Variants in TRIM36 observed in about 807,000 individuals in gnomAD.
The protein encoded by TRIM36 is tripartite motif containing 36, also known as E3 ubiquitin-protein ligase TRIM36.
A neutral mutation model predicts 72.4 loss-of-function variants in TRIM36; 42 were observed. The observed-to-expected ratio is 0.58, with a 90% confidence interval of 0.45 to 0.75. The LOEUF is 0.75. Among genes scored for constraint, TRIM36 ranks in the 30% least tolerant of loss-of-function variants. The pLI, the probability that TRIM36 is intolerant of heterozygous loss-of-function variation, is 0.00. For synonymous variants in TRIM36, 315 were observed against 282.8 expected, an observed-to-expected ratio of 1.11 and a Z score of -1.14; for missense variants, 913 against 857.1, an observed-to-expected ratio of 1.07 and a Z score of -0.81.
chr5:115,175,682 TAAA>T (rs59146062), intron 1 of TRIM36, among the ~76,000 whole-genome samples: 43,363 of 150,686 alleles, frequency 0.29, 6,250 homozygotes, highest in Middle Eastern at 0.32. Context: ...CGCAATATAG[TAAA>T]AAAAAATAAG....
At chr5:115,168,994 T>C (rs1462704664) in intron 1 of TRIM36, 2 of 152,316 alleles carry the variant, frequency 1.3e-5, no homozygotes, top group African/African-American at 4.8e-5. Context: ...TCATCTGTCA[T>C]TGAGGGAGAA....
At chr5:115,147,532 G>C in intron 2 of TRIM36, 138 bp from the exon 3 acceptor site, 1 of 1,052,020 alleles carries the variant, frequency 9.5e-7, no homozygotes, top group Non-Finnish European at 1.3e-6. Context: ...CGTGAAATTT[G>C]TATTGTGAAA....
rs2974527 is a variant in TRIM36 at position 115,124,883 on chromosome 5, C to G, written c.*1620G>C. 131,768 of 152,560 alleles carry G rather than the reference C, an allele frequency of 0.86. 57,857 individuals are homozygous for G. Among genetic ancestry groups the G allele is most frequent in the Middle Eastern group, 0.96 (282 of 294 alleles). The allele number at this position is 152,560 out of a possible 1,614,324, so 9.5% of individuals were successfully genotyped here. On this transcript the variant is annotated 3_prime_UTR_variant, in exon 10 of 10. Transcript: ENST00000513154. ...GCTTCACATTTAAAAATGTCTACAT[C>G]ATATGTGCTTGTACAAGGCTTGAGT...
intron 2 of TRIM36, chr5:115,149,767 C>CA: frequency 6.7e-6 from 1 of 150,306 alleles, no homozygotes; most frequent in African/African-American, 2.4e-5. Flanking sequence ...CTTGAAAGCT[C>CA]TTTTTTTTTG....
At chr5:115,145,382 T>C (rs990311887) in intron 3 of TRIM36, among the ~76,000 whole-genome samples, 1 of 152,224 alleles carries the variant, frequency 6.6e-6, no homozygotes, top group African/African-American at 2.4e-5. Context: ...TAAAATTTTA[T>C]GTAAAATAAC....
intron 2 of TRIM36, chr5:115,159,743 G>A: frequency 4.6e-6 from 2 of 432,520 alleles, no homozygotes; most frequent in South Asian, 1.7e-5. Context: ...GTTAACAAAA[G>A]AGAAAGCGGT....
upstream of TRIM36, among the ~76,000 whole-genome samples, chr5:115,174,753 C>T (rs1357106294): frequency 6.6e-6 from 1 of 152,152 alleles, no homozygotes; most frequent in Non-Finnish European, 1.5e-5. Flanking sequence ...TCTTTGTACA[C>T]TGATGTTTGA....
Position 115,144,760 on chromosome 5 carries a change from T to C in TRIM36, c.589-16A>G. On this transcript the variant is annotated splice_polypyrimidine_tract_variant and intron_variant, in intron 3 of 9. Coordinates refer to ENST00000513154, the MANE Select transcript of TRIM36 (RefSeq NM_001300759.2). ...ACATTAAAATCTATTGAGTAAAGAA[T>C]AAAAGTGTGATTAAGGATCTAGGTT... 4 of 1,600,104 alleles carry C rather than the reference T, an allele frequency of 2.5e-6. No individual in the cohort carries two copies. Among genetic ancestry groups the C allele is most frequent in the Non-Finnish European group, 3.4e-6 (4 of 1,175,128 alleles).
chr5:115,168,537 A>G (rs1754911769), intron 1 of TRIM36, among the ~76,000 whole-genome samples: 1 of 152,242 alleles, frequency 6.6e-6, no homozygotes, highest in African/African-American at 2.4e-5. Context: ...TATTCTCCCT[A>G]AAGTGACACC....
At chr5:115,147,961 A>G (rs551897892) in intron 2 of TRIM36, among the ~76,000 whole-genome samples, 1 of 152,368 alleles carries the variant, frequency 6.6e-6, no homozygotes, top group Admixed American at 6.5e-5. Flanking sequence ...GATTTTCAAA[A>G]GAATATGTGA....
At chr5:115,128,795 G>C (rs1311327627) in intron 9 of TRIM36, among the ~76,000 whole-genome samples, 1 of 120,128 alleles carries the variant, frequency 8.3e-6, no homozygotes, top group Non-Finnish European at 1.8e-5. Flanking sequence ...AAAATTGAAA[G>C]TTTATAAAAC....
At chr5:115,177,832 C>A (rs768043116) in intron 1 of TRIM36, 18 of 1,614,050 alleles carry the variant, frequency 1.1e-5, no homozygotes, top group Non-Finnish European at 1.4e-5. Context: ...AGAAGTCAAC[C>A]GGGAATGCTC....
At chr5:115,162,775 T>C (rs1344818489) in intron 2 of TRIM36, among the ~76,000 whole-genome samples, 4 of 152,202 alleles carry the variant, frequency 2.6e-5, no homozygotes, top group African/African-American at 4.8e-5. Context: ...GTGCGCCAGA[T>C]TGGCAGCAAG....
rs868091561 is a variant in TRIM36, at chr5:115,137,243, G to A, written c.1086-119C>T. 11 of 1,476,730 alleles carry A rather than the reference G, an allele frequency of 7.4e-6. No homozygotes were observed. The Middle Eastern group carries it at 5.7e-4, about 76-fold the overall frequency. The allele number at this position is 1,476,730 out of a possible 1,614,324, so 91.5% of individuals were successfully genotyped here. On this transcript the variant is annotated intron_variant, in intron 6 of 9. Transcript: ENST00000513154. ...CACTCAAAATTAAAGTTAAGAATGAGGCAAGATGTACCTCACATTAACACA... is the reference window on the plus strand; with the variant it reads ...CACTCAAAATTAAAGTTAAGAATGAAGCAAGATGTACCTCACATTAACACA...
Position 115,133,898 on chromosome 5 carries a change from C to G in TRIM36, c.1460G>C (p.Cys487Ser), listed in dbSNP as rs1380814037. ...RAYKGSICSP[C>S]SRELILHTPP... is the part of the protein sequence containing the mutation. The stretch of plus-strand genomic sequence containing the variant: ...AGTATGAAGAATCAATTCTCTGCTG[C>G]AAGGACTACAGATTGAACCCTTGTA... The change falls in exon 8 of 10, where the codon TGC (cysteine) becomes TCC (serine). Residue 487 changes from cysteine to serine, a missense_variant. Cys to Ser is a moderately radical substitution (Grantham distance 112). Coordinates refer to ENST00000513154, the MANE Select transcript of TRIM36 (RefSeq NM_001300759.2). The G allele has an allele frequency of 1.2e-6, 2 of 1,609,430 alleles. No homozygotes were observed. The highest frequency in any genetic ancestry group is 3.4e-5 in the Admixed American group (2 of 59,300).
At chr5:115,179,858 G>T in intron 1 of TRIM36, 1 of 986,944 alleles carries the variant, frequency 1.0e-6, no homozygotes, top group Non-Finnish European at 1.5e-6. Context: ...GCGGCTCCTG[G>T]ATTCCAGCCT....
chr5:115,154,770 G>T (rs1754085567), intron 2 of TRIM36, among the ~76,000 whole-genome samples: 1 of 152,126 alleles, frequency 6.6e-6, no homozygotes, highest in Non-Finnish European at 1.5e-5. Context: ...AGAACAATTG[G>T]TACTAATCAT....
At chr5:115,139,742 A>T (rs543151147) in intron 5 of TRIM36, among the ~76,000 whole-genome samples, 1 of 152,234 alleles carries the variant, frequency 6.6e-6, no homozygotes, top group Admixed American at 6.5e-5. Flanking sequence ...TAGCGTAAAA[A>T]AAATTCTTAT....
chr5:115,149,569 G>GAAAAAA lies in TRIM36; in HGVS notation c.263-2181_263-2176dup, dbSNP rs748596152. On this transcript the variant is annotated intron_variant, in intron 2 of 9. Transcript: ENST00000513154. ...CCCAGAATTGGGTCCTCAGAAATTT[G>GAAAAAA]AAAAAAAAAAAAAAAAAAAAAAAAA... The GAAAAAA allele has an allele frequency of 2.5e-3, 49 of 19,276 alleles. 13 individuals are homozygous for GAAAAAA. The highest frequency in any genetic ancestry group is 6.0e-3 in the African/African-American group (28 of 4,666). 1.2% of individuals were successfully genotyped at this position (19,276 alleles called of 1,614,324 possible). A position where few individuals can be genotyped will look rare whatever the true frequency, so the allele number is the denominator to read the frequency against.
Sources: allele counts gnomAD v4.1 joint callset (sites outside exome capture counted in the v4.1 genomes callset), GRCh38; gene constraint gnomAD v4.1.1; transcripts MANE v1.5; gene names NCBI Gene and HGNC (gene_info 2026-07-23, HGNC 2026-07-21).